Variants in PARD3B observed in about 807,000 individuals in gnomAD.
The protein encoded by PARD3B is partitioning defective 3 homolog B.
PARD3B carries 103 observed loss-of-function variants against 130.2 expected under a neutral mutation model. The observed-to-expected ratio is 0.79, with a 90% CI of 0.67 to 0.93. The LOEUF (loss-of-function observed/expected upper bound fraction) is 0.93. Among genes scored for constraint, PARD3B ranks in the 40% least tolerant of loss-of-function variants. The pLI is 0.00. For missense variants in PARD3B, 1,609 were observed against 1,499.2 expected (o/e 1.07, Z -1.21); for synonymous variants, 583 against 553.2 (o/e 1.05, Z -0.76).
chr2:204,547,621 A>G (rs756289619), intron 1 of PARD3B, among the ~76,000 whole-genome samples: 9 of 152,230 alleles, frequency 5.9e-5, no homozygotes, highest in Non-Finnish European at 1.3e-4. Context: ...GCTAAGATTA[A>G]TAGTAACAAC....
At chr2:204,596,840 C>A (rs749138780) in intron 1 of PARD3B, among the ~76,000 whole-genome samples, 2 of 151,776 alleles carry the variant, frequency 1.3e-5, no homozygotes, top group Non-Finnish European at 2.9e-5. Flanking sequence ...ATTGCTTGAA[C>A]CCGGGAGGCA....
chr2:204,746,110 T>A (rs1486943860), intron 2 of PARD3B, among the ~76,000 whole-genome samples: 1 of 146,824 alleles, frequency 6.8e-6, no homozygotes, highest in East Asian at 2.1e-4. Context: ...TAGGTATATC[T>A]CCTAATGCTA....
At chr2:205,363,701 G>A (rs371195102) in intron 18 of PARD3B, among the ~76,000 whole-genome samples, 3 of 152,172 alleles carry the variant, frequency 2.0e-5, no homozygotes, top group African/African-American at 2.4e-5. Context: ...GTCTCACTCT[G>A]TTGCCCAGGC....
In PARD3B at chr2:205,338,594, A is replaced by G. The variant is rs531322799; in HGVS notation, c.2630+36893A>G. ...ATCCATTTCATAATTTTGTGTCTCA[A>G]TGCTATCATGTAGCTAATCAGTTAA... On this transcript the variant is annotated intron_variant, in intron 18 of 22. Transcript: ENST00000406610. Among the ~76,000 whole-genome samples, 176 of 152,318 alleles carry G rather than the reference A, an allele frequency of 1.2e-3. 1 individual carries two copies. Among genetic ancestry groups the G allele is most frequent in the Non-Finnish European group, 2.2e-3 (147 of 68,026 alleles).
chr2:205,495,622 T>C (rs1287885303), intron 20 of PARD3B, among the ~76,000 whole-genome samples: 1 of 152,100 alleles, frequency 6.6e-6, no homozygotes, highest in Non-Finnish European at 1.5e-5. Context: ...GACATATAAA[T>C]AGGGAAGGAA....
At chr2:205,201,879 T>C (rs961321013) in intron 15 of PARD3B, among the ~76,000 whole-genome samples, 1 of 152,202 alleles carries the variant, frequency 6.6e-6, no homozygotes, top group Non-Finnish European at 1.5e-5. Flanking sequence ...TATATAGTTA[T>C]ATGTTTTAAC....
intron 1 of PARD3B, among the ~76,000 whole-genome samples, chr2:204,648,436 A>G (rs1006252522): frequency 6.7e-6 from 1 of 149,730 alleles, no homozygotes; most frequent in Non-Finnish European, 1.5e-5. Flanking sequence ...TAAAGGTGTT[A>G]TGAACATTCA....
At chr2:205,506,875 T>G (rs2050385538) in intron 21 of PARD3B, among the ~76,000 whole-genome samples, 1 of 152,192 alleles carries the variant, frequency 6.6e-6, no homozygotes. Context: ...TTTGTTGACT[T>G]ATTTAAAAGA....
chr2:205,155,408 T>C (rs1174870473), intron 10 of PARD3B, among the ~76,000 whole-genome samples: 1 of 152,198 alleles, frequency 6.6e-6, no homozygotes, highest in African/African-American at 2.4e-5. Flanking sequence ...TTTAAGTGTT[T>C]AAAGTCAGAA....
intron 19 of PARD3B, among the ~76,000 whole-genome samples, chr2:205,413,371 G>A (rs2046666992): frequency 6.6e-6 from 1 of 152,050 alleles, no homozygotes; most frequent in South Asian, 2.1e-4. Context: ...TTGGGGTGAG[G>A]ATGATATTGT....
chr2:205,448,692 C>T (rs566135721), intron 20 of PARD3B, among the ~76,000 whole-genome samples: 220 of 152,246 alleles, frequency 1.4e-3, no homozygotes, highest in African/African-American at 5.1e-3. Context: ...AATACAATCC[C>T]AGCACTCATC....
At chr2:205,206,666 G>T (rs534643472) in intron 15 of PARD3B, among the ~76,000 whole-genome samples, 1 of 151,700 alleles carries the variant, frequency 6.6e-6, no homozygotes, top group Non-Finnish European at 1.5e-5. Flanking sequence ...GAATAATGCC[G>T]CAATAAACAT....
intron 2 of PARD3B, among the ~76,000 whole-genome samples, chr2:204,712,043 A>G (rs987185229): frequency 6.6e-6 from 1 of 152,180 alleles, no homozygotes; most frequent in Non-Finnish European, 1.5e-5. Context: ...AGGAAAATCA[A>G]TACTCCTTGA....
chr2:204,941,245 G>A (rs909641075), intron 2 of PARD3B, among the ~76,000 whole-genome samples: 32 of 152,250 alleles, frequency 2.1e-4, no homozygotes, highest in Non-Finnish European at 2.9e-4. Flanking sequence ...GTGGTGGCAC[G>A]TGCCCATAGT....
intron 22 of PARD3B, among the ~76,000 whole-genome samples, chr2:205,595,986 G>A (rs1306541998): frequency 6.6e-6 from 1 of 152,086 alleles, no homozygotes; most frequent in Non-Finnish European, 1.5e-5. Context: ...CATCAGTTTG[G>A]GTTATTATAA....
intron 2 of PARD3B, among the ~76,000 whole-genome samples, chr2:204,790,215 G>A (rs2042153905): frequency 6.6e-6 from 1 of 152,090 alleles, no homozygotes; most frequent in Non-Finnish European, 1.5e-5. Flanking sequence ...TAGACCTCTT[G>A]AGTTGCATTT....
At chr2:204,613,277 T>G (rs2125118836) in intron 1 of PARD3B, among the ~76,000 whole-genome samples, 1 of 152,300 alleles carries the variant, frequency 6.6e-6, no homozygotes, top group African/African-American at 2.4e-5. Flanking sequence ...GAAGGCAGTA[T>G]GCTATTATTT....
Position 205,288,244 on chromosome 2 carries a change from T to G in PARD3B, c.2186-12286T>G, listed in dbSNP as rs1039179975. Reference sequence around the variant, plus strand: ...CCCTGAGCACCTCCTGGCTCCCAAGTGCATTAAGATATGTTCCTGCACCCT... The same window carrying G: ...CCCTGAGCACCTCCTGGCTCCCAAGGGCATTAAGATATGTTCCTGCACCCT... On this transcript the variant is annotated intron_variant, in intron 16 of 22. Transcript: ENST00000406610. The surrounding 1 kb of genome is among the most constrained non-coding windows in gnomAD (Gnocchi z 4.0). 6.6e-6 allele frequency among the ~76,000 whole-genome samples: 1 copy of G among 151,904 alleles called. No homozygotes were observed. Among genetic ancestry groups the G allele is most frequent in the Non-Finnish European group, 1.5e-5 (1 of 67,958 alleles).
intron 1 of PARD3B, among the ~76,000 whole-genome samples, chr2:204,564,267 G>A (rs945046459): frequency 6.6e-6 from 1 of 152,176 alleles, no homozygotes; most frequent in Non-Finnish European, 1.5e-5. Flanking sequence ...AAAGCCATAA[G>A]CAGGTGCCAG....
Sources: gnomAD v4.1 joint callset for allele counts (sites outside exome capture counted in the v4.1 genomes callset) on GRCh38, gnomAD v4.1.1 for gene constraint, Gnocchi (gnomAD v3.1) non-coding constraint, MANE v1.5 for transcripts, NCBI Gene and HGNC (gene_info 2026-07-23, HGNC 2026-07-21) for gene names.